Variants in RIPOR2 observed in about 807,000 individuals in gnomAD.
The protein encoded by RIPOR2 is rho family-interacting cell polarization regulator 2.
Under a neutral mutation model 114.5 loss-of-function variants are expected in RIPOR2, and 39 were observed. The observed-to-expected ratio is 0.34, with a 90% CI of 0.26 to 0.44. The LOEUF is 0.44. Among genes scored for constraint, RIPOR2 ranks in the 20% least tolerant of loss-of-function variants. The pLI, the probability that RIPOR2 is intolerant of heterozygous loss-of-function variation, is 1.00. For missense variants in RIPOR2, 1,007 were observed against 1,255.1 expected (o/e 0.80, Z 2.99); for synonymous variants, 445 against 484.4 (o/e 0.92, Z 1.07).
rs200604230 is a variant in RIPOR2, at chr6:24,842,872, T to C, written c.1847A>G (p.Asp616Gly). ...TGAAAAGGTACTTACTTTTAGAATA[T>C]CATCCAAATTCATGACTTCTTGGTT... ...DLNQEVMNLD[D>G]ILKCKPAVSR... Residue 616 changes from aspartate (D) to glycine (G), a missense_variant, in exon 13 of 22, where the codon GAT (aspartate) becomes GGT (glycine). Coordinates refer to ENST00000643898, the MANE Select transcript of RIPOR2 (RefSeq NM_001286445.3). 5.3e-5 allele frequency: 76 copies of C among 1,439,066 alleles called. No individual in the cohort carries two copies. Among genetic ancestry groups the C allele is most frequent in the Middle Eastern group, 3.8e-4 (2 of 5,326 alleles). The allele number at this position is 1,439,066 out of a possible 1,614,324, so 89.1% of individuals were successfully genotyped here.
intron 17 of RIPOR2, among the ~76,000 whole-genome samples, chr6:24,830,035 A>G (rs952616271): frequency 3.3e-5 from 5 of 152,142 alleles, no homozygotes; most frequent in Admixed American, 6.5e-5. Flanking sequence ...GCGTGATCTC[A>G]GCTCACTGCA....
In RIPOR2 at chr6:25,015,904, T is replaced by TTG. The variant is rs1775963838; in HGVS notation, c.76+25946_76+25947insCA. 1.8e-4 allele frequency: 16 copies of TTG among 90,420 alleles called. 1 individual carries two copies. The highest frequency in any genetic ancestry group is 1.7e-3 in the Admixed American group (13 of 7,818). 5.6% of individuals were successfully genotyped at this position (90,420 alleles called of 1,614,324 possible). A position where few individuals can be genotyped will look rare whatever the true frequency, so the allele number is the denominator to read the frequency against. On this transcript the variant is annotated intron_variant, in intron 1 of 13. Coordinates refer to the RIPOR2 transcript ENST00000510784. ...AAAACGCAGGTTTTTTGGTTTTTTT[T>TTG]TTTTTTTTTTTTTTTTTTTTAAGGA...
chr6:24,970,287 C>A (rs1437185730), intron 1 of RIPOR2, among the ~76,000 whole-genome samples: 1 of 152,174 alleles, frequency 6.6e-6, no homozygotes, highest in African/African-American at 2.4e-5. Context: ...ACAAAGTCTT[C>A]AATAAGCCTC....
At chr6:24,992,889 T>C (rs750387629) in intron 1 of RIPOR2, among the ~76,000 whole-genome samples, 4 of 152,194 alleles carry the variant, frequency 2.6e-5, no homozygotes, top group Non-Finnish European at 5.9e-5. Context: ...ACCTCATGAT[T>C]TTAAAACAAC....
chr6:24,865,518 AC>A, intron 6 of RIPOR2, 68 bp from the exon 7 acceptor site: 1 of 1,306,724 alleles, frequency 7.7e-7, no homozygotes, highest in Admixed American at 2.4e-5. Flanking sequence ...GATCATTGTT[AC>A]ATGCTTAATT....
At chr6:25,014,036 C>T (rs868114412) in intron 1 of RIPOR2, among the ~76,000 whole-genome samples, 10 of 152,304 alleles carry the variant, frequency 6.6e-5, no homozygotes, top group Admixed American at 1.3e-4. Context: ...TTCTCTCTTA[C>T]GGTTACCCCT....
At chr6:24,891,794 A>G (rs1273476298) in intron 1 of RIPOR2, among the ~76,000 whole-genome samples, 3 of 152,178 alleles carry the variant, frequency 2.0e-5, no homozygotes, top group Non-Finnish European at 2.9e-5. Context: ...AGCTTCCACA[A>G]TCCTCTTGCC....
chr6:25,040,812 C>T (rs1382892131), intron 1 of RIPOR2, among the ~76,000 whole-genome samples: 3 of 151,932 alleles, frequency 2.0e-5, no homozygotes, highest in Non-Finnish European at 4.4e-5. Context: ...AGGGTGGTCT[C>T]GATCTCTTGA....
chr6:24,906,262 T>G (rs1379620537), intron 1 of RIPOR2, among the ~76,000 whole-genome samples: 1 of 152,174 alleles, frequency 6.6e-6, no homozygotes, highest in Non-Finnish European at 1.5e-5. Flanking sequence ...GTAGGCAGCA[T>G]GCAAGTCCCA....
chr6:24,899,280 GC>G, intron 1 of RIPOR2, among the ~76,000 whole-genome samples: 1 of 152,186 alleles, frequency 6.6e-6, no homozygotes, highest in Middle Eastern at 3.4e-3. Context: ...CTAACATGGG[GC>G]CCATGAAGAT....
At chr6:24,885,151 C>T (rs2474149) in intron 1 of RIPOR2, among the ~76,000 whole-genome samples, 34,473 of 152,024 alleles carry the variant, frequency 0.23, 4,398 homozygotes, top group African/African-American at 0.35. Context: ...ATACATAAAG[C>T]GGATTGGAGA....
intron 1 of RIPOR2, among the ~76,000 whole-genome samples, chr6:24,978,758 T>C (rs1774178994): frequency 1.3e-5 from 2 of 152,218 alleles, no homozygotes; most frequent in Non-Finnish European, 2.9e-5. Context: ...TCCTCATTCA[T>C]AAAATGGGAA....
chr6:24,832,444 T>G, intron 15 of RIPOR2, 53 bp from the exon 16 acceptor site: 1 of 1,494,976 alleles, frequency 6.7e-7, no homozygotes, highest in Non-Finnish European at 9.1e-7. Flanking sequence ...CAGTAGAGCT[T>G]TCTCTACCCA....
At chr6:24,925,287 C>T (rs1335080652) in intron 1 of RIPOR2, among the ~76,000 whole-genome samples, 2 of 152,208 alleles carry the variant, frequency 1.3e-5, no homozygotes, top group Non-Finnish European at 2.9e-5. Flanking sequence ...TAGGAAGACT[C>T]ACGGGGCTAT....
chr6:24,906,691 C>T (rs1410734799), intron 1 of RIPOR2, among the ~76,000 whole-genome samples: 1 of 152,196 alleles, frequency 6.6e-6, no homozygotes, highest in Non-Finnish European at 1.5e-5. Context: ...GGCTGGAGTA[C>T]AGTGGCATTA....
intron 1 of RIPOR2, chr6:25,024,161 C>T: frequency 8.2e-7 from 1 of 1,213,750 alleles, no homozygotes. Flanking sequence ...CCCCCTCCTG[C>T]TGGGCGATTT....
At chr6:25,034,940 T>C (rs1188750697) in intron 1 of RIPOR2, among the ~76,000 whole-genome samples, 1 of 152,224 alleles carries the variant, frequency 6.6e-6, no homozygotes, top group African/African-American at 2.4e-5. Context: ...CATTTGGCAA[T>C]TGTACCCATG....
At chr6:25,018,700 A>T (rs1776146234) in intron 1 of RIPOR2, among the ~76,000 whole-genome samples, 1 of 152,196 alleles carries the variant, frequency 6.6e-6, no homozygotes, top group South Asian at 2.1e-4. Context: ...GATTTTATTA[A>T]ATCCCAGTTC....
intron 12 of RIPOR2, chr6:24,847,457 G>C: frequency 7.2e-7 from 1 of 1,387,736 alleles, no homozygotes; most frequent in South Asian, 1.3e-5. Context: ...GCAAGACAGA[G>C]AAGATAAAAC....
Sources: allele counts gnomAD v4.1 joint callset (sites outside exome capture counted in the v4.1 genomes callset), GRCh38; gene constraint gnomAD v4.1.1; transcripts MANE v1.5; gene names NCBI Gene and HGNC (gene_info 2026-07-23, HGNC 2026-07-21).